Variants in PCDHA10 observed in about 807,000 individuals in gnomAD.
PCDHA10 encodes protocadherin alpha-10.
PCDHA10 carries 45 observed loss-of-function variants against 61.2 expected under a neutral mutation model. The ratio of observed to expected loss-of-function variants is 0.74; its 90% CI spans 0.58 to 0.94. The LOEUF is 0.94. PCDHA10 is among the 40% of genes least tolerant of loss of function. The pLI, the probability that PCDHA10 is intolerant of heterozygous loss-of-function variation, is 0.00. For synonymous variants in PCDHA10, 602 were observed against 548.8 expected (o/e 1.10, Z -1.35); for missense variants, 1,278 against 1,236.2 (o/e 1.03, Z -0.51).
intron 1 of PCDHA10, among the ~76,000 whole-genome samples, chr5:140,933,223 A>G (rs1005553040): frequency 1.3e-5 from 2 of 152,018 alleles, no homozygotes; most frequent in African/African-American, 4.8e-5. Context: ...GTTATATTGC[A>G]TTTATGAAAA....
intron 2 of PCDHA10, among the ~76,000 whole-genome samples, chr5:140,980,982 C>G (rs1208541065): frequency 6.6e-6 from 1 of 151,990 alleles, no homozygotes; most frequent in East Asian, 1.9e-4. Flanking sequence ...ACTGAGCCCA[C>G]ACAATTTGCT....
intron 1 of PCDHA10, chr5:140,968,479 C>T (rs2096250195): frequency 1.2e-6 from 2 of 1,614,010 alleles, no homozygotes; most frequent in South Asian, 2.2e-5. Flanking sequence ...ATGTGGTGGA[C>T]ATGAATGACC....
At chr5:140,927,688 G>C in intron 1 of PCDHA10, 1 of 1,614,062 alleles carries the variant, frequency 6.2e-7, no homozygotes, top group Non-Finnish European at 8.5e-7. Context: ...AGGGTCCAAT[G>C]GGGAAGTCCA....
chr5:140,929,465 A>G (rs2086179280), intron 1 of PCDHA10: 1 of 1,322,058 alleles, frequency 7.6e-7, no homozygotes, highest in African/African-American at 1.5e-5. Flanking sequence ...CTGTGCCAAG[A>G]AATCTGGAAG....
chr5:140,972,411 G>A (rs1258321444), intron 1 of PCDHA10, among the ~76,000 whole-genome samples: 1 of 151,680 alleles, frequency 6.6e-6, no homozygotes, highest in Non-Finnish European at 1.5e-5. Flanking sequence ...GGCAAACCCT[G>A]TTAAGATCTT....
rs200493520 is a variant in PCDHA10 at position 140,928,140 on chromosome 5, G to T, written c.2389-50809G>T. ...TCAGTGAATACCAAGTCCTGATCAC[G>T]GCCTCAGATAGTGGCTCACCCCCAC... On this transcript the variant is annotated intron_variant, in intron 1 of 3. Transcript: ENST00000307360. The T allele has an allele frequency of 2.5e-6, 4 of 1,614,154 alleles. No homozygotes were observed. In the East Asian group the frequency reaches 6.7e-5, roughly 27 times the overall value.
intron 1 of PCDHA10, among the ~76,000 whole-genome samples, chr5:140,943,845 C>A (rs59104695): frequency 3.3e-5 from 5 of 152,226 alleles, no homozygotes; most frequent in Admixed American, 1.3e-4. Flanking sequence ...TGTAAGATGT[C>A]ACAGAAGTCA....
intron 1 of PCDHA10, among the ~76,000 whole-genome samples, chr5:140,908,711 T>A (rs951399125): frequency 6.6e-6 from 1 of 152,144 alleles, no homozygotes; most frequent in African/African-American, 2.4e-5. Flanking sequence ...CACCATTGGA[T>A]CTGCTGGGTC....
chr5:140,868,771 A>G lies in PCDHA10; in HGVS notation c.2388+10335A>G, dbSNP rs986240016. 2.7e-4 allele frequency: 70 copies of G among 257,218 alleles called. No individual in the cohort carries two copies. In the Middle Eastern group the frequency reaches 5.2e-3, roughly 19 times the overall value. The allele number at this position is 257,218 out of a possible 1,614,324, so 15.9% of individuals were successfully genotyped here. ...ATTTCCATATATATTTAGTTTCAAT[A>G]TGACTTATAATCTGAATATTCCATA... is the stretch of plus-strand genomic sequence containing the variant. On this transcript the variant is annotated intron_variant, in intron 1 of 3. Coordinates refer to ENST00000307360, the MANE Select transcript of PCDHA10 (RefSeq NM_018901.4).
At chr5:140,875,391 A>G (rs1582202337) in intron 1 of PCDHA10, 2 of 1,472,582 alleles carry the variant, frequency 1.4e-6, no homozygotes, top group African/African-American at 2.8e-5. Flanking sequence ...ACTTACAGAA[A>G]AGGGTGACTG....
At chr5:140,889,910 T>C (rs1554184095) in intron 1 of PCDHA10, among the ~76,000 whole-genome samples, 1 of 152,156 alleles carries the variant, frequency 6.6e-6, no homozygotes, top group East Asian at 1.9e-4. Flanking sequence ...GAGATTGTCA[T>C]ACTGTAAAGA....
At position 140,856,471 on chromosome 5, in the gene PCDHA10, A is replaced by G. The variant is rs782438318; in HGVS notation, c.423A>G (p.Ile141Met). The G allele has an allele frequency of 3.8e-6, 6 of 1,597,856 alleles. No homozygotes were observed. The highest frequency in any genetic ancestry group is 2.2e-5 in the South Asian group (2 of 90,514). Residue 141 changes from isoleucine to methionine, a missense_variant, in exon 1 of 4, where the codon ATA becomes ATG. By Grantham distance (10) the Ile-to-Met change is conservative. Coordinates refer to ENST00000307360, the MANE Select transcript of PCDHA10 (RefSeq NM_018901.4). ...CCGTAACAGAACAAAAGCTCTCAAT[A>G]CCTGAATCCAGACTGCTTGACTCTC... ...RFSVTEQKLS[I>M]PESRLLDSRF...
intron 3 of PCDHA10, among the ~76,000 whole-genome samples, chr5:140,992,328 A>G (rs2097505285): frequency 6.6e-6 from 1 of 152,150 alleles, no homozygotes; most frequent in South Asian, 2.1e-4. Flanking sequence ...CTTTTCTAAG[A>G]GCAAAGATGG....
At chr5:140,967,712 G>A in intron 1 of PCDHA10, 2 of 1,614,196 alleles carry the variant, frequency 1.2e-6, no homozygotes, top group Non-Finnish European at 1.7e-6. Flanking sequence ...CAGTACCGGG[G>A]AAGTGCGAGT....
At chr5:140,871,097 T>A in intron 1 of PCDHA10, 1 of 1,613,266 alleles carries the variant, frequency 6.2e-7, no homozygotes, top group Admixed American at 1.7e-5. Flanking sequence ...GCCACCGTGC[T>A]GGTGTCGTTG....
chr5:140,903,840 T>C (rs2070655374), intron 1 of PCDHA10, among the ~76,000 whole-genome samples: 1 of 152,196 alleles, frequency 6.6e-6, no homozygotes, highest in African/African-American at 2.4e-5. Flanking sequence ...GGTATTTTCA[T>C]TTATCTTAAC....
chr5:140,881,269 GAAGT>G (rs1235494766), intron 1 of PCDHA10: 1 of 648,656 alleles, frequency 1.5e-6, no homozygotes, highest in African/African-American at 2.0e-5. Context: ...CAGTGATGAT[GAAGT>G]AAGATGGAGA....
intron 1 of PCDHA10, among the ~76,000 whole-genome samples, chr5:140,894,790 T>C (rs943284227): frequency 6.6e-6 from 1 of 152,164 alleles, no homozygotes. Flanking sequence ...ATTTGTCCTC[T>C]CCTTTAAAAA....
chr5:141,004,880 G>A (rs940142127), intron 3 of PCDHA10, among the ~76,000 whole-genome samples: 2 of 152,172 alleles, frequency 1.3e-5, no homozygotes, highest in Admixed American at 6.5e-5. Context: ...TCCCTAAAGT[G>A]CTATTGTGTC....
Sources: allele counts gnomAD v4.1 joint callset (sites outside exome capture counted in the v4.1 genomes callset), GRCh38; gene constraint gnomAD v4.1.1; transcripts MANE v1.5; gene names NCBI Gene and HGNC (gene_info 2026-07-23, HGNC 2026-07-21).